HMGXB4: variants seen among roughly 807,000 people sequenced by gnomAD.
HMGXB4 encodes the protein HMG domain-containing protein 4.
Under a neutral mutation model 63.9 loss-of-function variants are expected in HMGXB4, and 27 were observed. That is an observed-to-expected ratio of 0.42 (90% CI 0.31 to 0.58). The LOEUF (loss-of-function observed/expected upper bound fraction) is 0.58. Among genes scored for constraint, HMGXB4 ranks in the 20% least tolerant of loss-of-function variants. The pLI is 0.13. For missense variants in HMGXB4, 624 were observed against 700.7 expected (o/e 0.89, Z 1.24); for synonymous variants, 264 against 265.3 (o/e 0.99, Z 0.05).
chr22:35,241,614 C>A, the HMGXB4 span, among the ~76,000 whole-genome samples: 1 of 152,230 alleles, frequency 6.6e-6, no homozygotes, highest in East Asian at 1.9e-4. Flanking sequence ...GCTTCCTCTA[C>A]CCCTGTATTT....
At chr22:35,265,789 CTTTTT>C (rs769959544) in intron 5 of HMGXB4, among the ~76,000 whole-genome samples, 186 bp downstream of exon 5, 1 of 140,098 alleles carries the variant, frequency 7.1e-6, no homozygotes, top group African/African-American at 2.6e-5. Context: ...TAGAAGCAAT[CTTTTT>C]TTTTTTTTTT....
chr22:35,252,384 C>A, the HMGXB4 span, among the ~76,000 whole-genome samples: 1 of 152,332 alleles, frequency 6.6e-6, no homozygotes, highest in South Asian at 2.1e-4. Flanking sequence ...TTCCCCCATG[C>A]TCCAGCTCCT....
At chr22:35,272,313 G>A (rs991566106) in intron 5 of HMGXB4, among the ~76,000 whole-genome samples, 3 of 152,156 alleles carry the variant, frequency 2.0e-5, no homozygotes, top group Non-Finnish European at 4.4e-5. Flanking sequence ...AGTGAGCGGT[G>A]TGGAAGTGAA....
chr22:35,271,717 G>A (rs549667986), intron 5 of HMGXB4, among the ~76,000 whole-genome samples: 21 of 152,284 alleles, frequency 1.4e-4, no homozygotes, highest in African/African-American at 4.6e-4. Flanking sequence ...CCAGGACAAC[G>A]CTTGATATTT....
At chr22:35,258,073 C>G (rs1036333513) in intron 1 of HMGXB4, 1 of 152,276 alleles carries the variant, frequency 6.6e-6, no homozygotes, top group East Asian at 1.9e-4. Flanking sequence ...TCTTCTTTTC[C>G]TCTTCACAGA....
chr22:35,279,911 T>C (rs951802240), intron 5 of HMGXB4, among the ~76,000 whole-genome samples: 1 of 152,154 alleles, frequency 6.6e-6, no homozygotes, highest in African/African-American at 2.4e-5. Flanking sequence ...AATATTGAAG[T>C]AGGGTAGTGT....
the HMGXB4 span, among the ~76,000 whole-genome samples, chr22:35,248,737 T>A: frequency 1.4e-3 from 210 of 152,122 alleles, 1 homozygote; most frequent in Non-Finnish European, 2.5e-3. Context: ...AGATCTCTAG[T>A]GAACCAGCTG....
intron 10 of HMGXB4, 53 bp downstream of exon 10, chr22:35,293,167 C>T: frequency 6.2e-7 from 1 of 1,606,454 alleles, no homozygotes; most frequent in Non-Finnish European, 8.5e-7. Flanking sequence ...CAGAGATGCC[C>T]TGCCTTAATG....
chr22:35,282,878 C>T (rs1423573814), intron 5 of HMGXB4, among the ~76,000 whole-genome samples: 1 of 152,138 alleles, frequency 6.6e-6, no homozygotes, highest in Non-Finnish European at 1.5e-5. Context: ...TAACTTTTTC[C>T]CCTTAGACCA....
chr22:35,266,740 T>A (rs1923273299), intron 5 of HMGXB4, among the ~76,000 whole-genome samples: 1 of 152,184 alleles, frequency 6.6e-6, no homozygotes. Flanking sequence ...CCCAGCACTT[T>A]GGGAGGCTGA....
At chr22:35,258,280 A>G (rs1436856894) in intron 1 of HMGXB4, 2 of 152,010 alleles carry the variant, frequency 1.3e-5, no homozygotes, top group Admixed American at 6.6e-5. Flanking sequence ...CCCTCCACCA[A>G]CTACTACTTG....
In HMGXB4 at chr22:35,264,895, G is replaced by A. The variant is rs148445726; in HGVS notation, c.507G>A (p.Ser169=). ...TAGAGGATGGTGGCTCCCACAAATCGAAAAAAATGAAACCTCTCTATGTGA... is the reference window on the plus strand; with the variant it reads ...TAGAGGATGGTGGCTCCCACAAATCAAAAAAAATGAAACCTCTCTATGTGA... ...LPLEDGGSHK[S]KKMKPLYVNT... Residue 169 remains serine, a synonymous_variant, in exon 5 of 11, where the codon TCG becomes TCA. Coordinates refer to ENST00000216106, the MANE Select transcript of HMGXB4 (RefSeq NM_001003681.3). 22 of 1,613,748 alleles carry A rather than the reference G, an allele frequency of 1.4e-5. No homozygotes were observed. Among genetic ancestry groups the A allele is most frequent in the South Asian group, 8.8e-5 (8 of 91,030 alleles).
chr22:35,289,323 G>A (rs982990178), intron 9 of HMGXB4, among the ~76,000 whole-genome samples: 10 of 152,056 alleles, frequency 6.6e-5, no homozygotes, highest in Non-Finnish European at 2.9e-5. Context: ...GCCAGGCATG[G>A]TGGTGCACAC....
At chr22:35,260,763 T>C (rs1922797333) in intron 1 of HMGXB4, among the ~76,000 whole-genome samples, 1 of 152,256 alleles carries the variant, frequency 6.6e-6, no homozygotes, top group Non-Finnish European at 1.5e-5. Flanking sequence ...TAAATCATTC[T>C]TGGTAATGCT....
chr22:35,290,385 C>G (rs1924853993), intron 9 of HMGXB4, among the ~76,000 whole-genome samples: 1 of 152,076 alleles, frequency 6.6e-6, no homozygotes, highest in Non-Finnish European at 1.5e-5. Context: ...GTGGCTCACG[C>G]CTGTAATCCC....
the HMGXB4 span, among the ~76,000 whole-genome samples, chr22:35,248,802 C>T: frequency 3.4e-5 from 1 of 29,066 alleles, no homozygotes; most frequent in East Asian, 1.4e-3. Flanking sequence ...ATGAAGGATC[C>T]CCCCCCATGA....
chr22:35,290,333 ATAT>A (rs559372010), intron 9 of HMGXB4, among the ~76,000 whole-genome samples: 231 of 152,250 alleles, frequency 1.5e-3, no homozygotes, highest in African/African-American at 5.4e-3. Flanking sequence ...ATTCCAAAAC[ATAT>A]TGTTACCCCT....
At chr22:35,264,545 G>T in intron 4 of HMGXB4, 103 bp from the exon 5 acceptor site, 1 of 772,326 alleles carries the variant, frequency 1.3e-6, no homozygotes, top group South Asian at 1.8e-5. Context: ...AATCATTCCT[G>T]TTAGCCTCTT....
At chr22:35,289,716 T>A (rs1458678363) in intron 9 of HMGXB4, among the ~76,000 whole-genome samples, 1 of 152,256 alleles carries the variant, frequency 6.6e-6, no homozygotes, top group Non-Finnish European at 1.5e-5. Context: ...GGGAGATTTT[T>A]GTCCTTTTAA....
Sources: allele counts gnomAD v4.1 joint callset (sites outside exome capture counted in the v4.1 genomes callset), GRCh38; gene constraint gnomAD v4.1.1; transcripts MANE v1.5; gene names NCBI Gene and HGNC (gene_info 2026-07-23, HGNC 2026-07-21).